MYOM1: variants seen among roughly 807,000 people sequenced by gnomAD.
MYOM1 encodes the protein myomesin 1.
A neutral mutation model predicts 205.3 loss-of-function variants in MYOM1; 164 were observed. The observed-to-expected ratio is 0.80, with a 90% CI of 0.70 to 0.91. The LOEUF (loss-of-function observed/expected upper bound fraction) is 0.91, where lower values mean the gene tolerates loss of function less well. Among genes scored for constraint, MYOM1 ranks in the 40% least tolerant of loss-of-function variants. The probability of loss-of-function intolerance (pLI) is 0.00; values close to 1 mark genes in which losing one functional copy is unlikely to be tolerated. For missense variants in MYOM1, 2,011 were observed against 2,127.3 expected, an observed-to-expected ratio of 0.95 and a Z score of 1.08; for synonymous variants, 772 against 789.4, an observed-to-expected ratio of 0.98 and a Z score of 0.37.
chr18:3,116,812 A>G (rs2058559327), intron 20 of MYOM1, among the ~76,000 whole-genome samples: 2 of 152,078 alleles, frequency 1.3e-5, no homozygotes, highest in African/African-American at 4.8e-5. Context: ...ATTAGTCTCA[A>G]AGACCTTTTA....
At position 3,144,484 on chromosome 18, in the gene MYOM1, C is replaced by T. The variant is rs151069893; in HGVS notation, c.1901-2421G>A. The stretch of plus-strand genomic sequence containing the variant: ...ATTGATTTAAATCCAACCATATCAA[C>T]GATCAGATGAAATGTAAATGGTTAA... On this transcript the variant is annotated intron_variant, in intron 13 of 37. Transcript: ENST00000356443. Among the ~76,000 whole-genome samples the T allele has an allele frequency of 3.9e-4, 59 of 152,108 alleles. 1 individual carries two copies. Among genetic ancestry groups the T allele is most frequent in the Middle Eastern group, 3.4e-3 (1 of 292 alleles).
intron 33 of MYOM1, among the ~76,000 whole-genome samples, chr18:3,081,403 A>G (rs972822524): frequency 1.3e-5 from 2 of 152,220 alleles, no homozygotes; most frequent in African/African-American, 2.4e-5. Flanking sequence ...CCTCTATGCC[A>G]CATACAGACA....
At chr18:3,169,465 A>T (rs2080522802) in intron 8 of MYOM1, among the ~76,000 whole-genome samples, 1 of 152,238 alleles carries the variant, frequency 6.6e-6, no homozygotes, top group African/African-American at 2.4e-5. Context: ...AATAGCAAAA[A>T]ATTCAAGTAA....
At chr18:3,103,817 T>C (rs2079414572) in intron 22 of MYOM1, among the ~76,000 whole-genome samples, 1 of 152,224 alleles carries the variant, frequency 6.6e-6, no homozygotes, top group South Asian at 2.1e-4. Flanking sequence ...CCTGGCAGGA[T>C]GATCTTGGTT....
chr18:3,159,816 TATGGGAGAGGGAA>T (rs966405689), intron 10 of MYOM1, among the ~76,000 whole-genome samples: 4 of 152,118 alleles, frequency 2.6e-5, no homozygotes, highest in African/African-American at 9.7e-5. Context: ...CTAGACTGGT[TATGGGAGAGGGAA>T]ATAGGGAGGA....
Position 3,129,941 on chromosome 18 carries a change from G to A in MYOM1, c.2507-422C>T, listed in dbSNP as rs144961772. Among the ~76,000 whole-genome samples, 250 of 152,144 alleles carry A rather than the reference G, an allele frequency of 1.6e-3. 2 individuals are homozygous for A. Among genetic ancestry groups the A allele is most frequent in the African/African-American group, 5.5e-3 (229 of 41,498 alleles). ...AAAGATCCTAATTTTATAACACCTCGAATTATGTGCAGTACTACAATAGTA... is the reference window on the plus strand; with the variant it reads ...AAAGATCCTAATTTTATAACACCTCAAATTATGTGCAGTACTACAATAGTA... On this transcript the variant is annotated intron_variant, in intron 17 of 37. Transcript: ENST00000356443.
chr18:3,099,007 G>A (rs1284356235), intron 25 of MYOM1, among the ~76,000 whole-genome samples: 2 of 152,150 alleles, frequency 1.3e-5, no homozygotes, highest in Admixed American at 6.5e-5. Flanking sequence ...AGGGTGGAGT[G>A]CAGTAGCGTG....
At chr18:3,158,484 A>G (rs1318435426) in intron 10 of MYOM1, among the ~76,000 whole-genome samples, 1 of 152,208 alleles carries the variant, frequency 6.6e-6, no homozygotes, top group Non-Finnish European at 1.5e-5. Context: ...AGCCTGAGAA[A>G]AGTTGAACAA....
chr18:3,085,167 C>T (rs141988481), intron 30 of MYOM1, 35 bp from the exon 31 acceptor site: 51 of 1,386,486 alleles, frequency 3.7e-5, no homozygotes, highest in African/African-American at 1.3e-4. Flanking sequence ...TTGCACCTTT[C>T]GTAGCCCCAG....
intron 13 of MYOM1, among the ~76,000 whole-genome samples, chr18:3,144,922 G>A (rs2080103627): frequency 6.6e-6 from 1 of 152,174 alleles, no homozygotes; most frequent in Non-Finnish European, 1.5e-5. Flanking sequence ...GTAGATATTA[G>A]CAATAGTAAA....
intron 2 of MYOM1, among the ~76,000 whole-genome samples, chr18:3,205,393 A>T (rs1426147776): frequency 6.6e-6 from 1 of 152,180 alleles, no homozygotes; most frequent in East Asian, 1.9e-4. Context: ...AATCCAATTA[A>T]AAAATGGGCA....
At chr18:3,121,092 C>A in intron 19 of MYOM1, among the ~76,000 whole-genome samples, 1 of 151,634 alleles carries the variant, frequency 6.6e-6, no homozygotes, top group African/African-American at 2.4e-5. Flanking sequence ...TGGAAAGACT[C>A]AAAAATGGGA....
Position 3,119,908 on chromosome 18 carries a change from C to A in MYOM1, c.3079G>T (p.Glu1027Ter), listed in dbSNP as rs755678558. The change falls in exon 20 of 38, where the codon GAA becomes TAA. Residue 1027 changes from glutamate (E) to a stop codon, truncating the protein, a stop_gained. Transcript: ENST00000356443. LOFTEE classifies it high-confidence loss of function. ...AGLGAPSAVS[E>*]CFKCEEWTIA... ...GTCCACTCTTCACATTTGAAGCATTCGCTTACTGCGGAGGGCGCGCCCAGC... is the reference window on the plus strand; with the variant it reads ...GTCCACTCTTCACATTTGAAGCATTAGCTTACTGCGGAGGGCGCGCCCAGC... 1.9e-6 allele frequency: 3 copies of A among 1,612,774 alleles called. No homozygotes were observed. The highest frequency in any genetic ancestry group is 3.5e-4 in the Middle Eastern group (2 of 5,792).
chr18:3,193,301 TAC>T (rs1277471703), intron 3 of MYOM1, among the ~76,000 whole-genome samples: 1,494 of 148,624 alleles, frequency 0.01, 23 homozygotes, highest in African/African-American at 0.028. Context: ...TACATATACA[TAC>T]ATATATATAT....
At position 3,118,211 on chromosome 18, in the gene MYOM1, A is replaced by T. The variant is rs149062561; in HGVS notation, c.3118+1658T>A. Among the ~76,000 whole-genome samples, 873 of 152,320 alleles carry T rather than the reference A, an allele frequency of 5.7e-3. 10 individuals are homozygous for T. The highest frequency in any genetic ancestry group is 0.02 in the African/African-American group (815 of 41,562). The stretch of plus-strand genomic sequence containing the variant: ...CTTTCTTCCATAAGGGATTTCTTGA[A>T]GTGAGACTTGCTTTACACTACTCAG... On this transcript the variant is annotated intron_variant, in intron 20 of 37. Coordinates refer to ENST00000356443, the MANE Select transcript of MYOM1 (RefSeq NM_003803.4).
chr18:3,176,233 CAG>C (rs1403948783), intron 5 of MYOM1, 99 bp from the exon 6 acceptor site: 32 of 705,772 alleles, frequency 4.5e-5, no homozygotes, highest in Non-Finnish European at 7.0e-5. Context: ...CATCTGTAAA[CAG>C]GGCACTGAGG....
intron 2 of MYOM1, among the ~76,000 whole-genome samples, chr18:3,211,794 C>T (rs1464392481): frequency 6.6e-6 from 1 of 152,172 alleles, no homozygotes. Context: ...CTAAGGTCAG[C>T]CAAGCCCTGA....
chr18:3,096,452 AT>A (rs5822737), intron 25 of MYOM1, among the ~76,000 whole-genome samples: 16,531 of 143,286 alleles, frequency 0.12, 1,072 homozygotes, highest in East Asian at 0.2. Flanking sequence ...TAGAAACACC[AT>A]TTTTTTTTTT....
At chr18:3,193,684 T>C (rs1348205056) in intron 3 of MYOM1, 134 bp downstream of exon 3, 1 of 932,404 alleles carries the variant, frequency 1.1e-6, no homozygotes, top group Non-Finnish European at 1.5e-6. Context: ...TACTATAATC[T>C]AACAAGTGCT....
Sources: gnomAD v4.1 joint callset for allele counts (sites outside exome capture counted in the v4.1 genomes callset) on GRCh38, gnomAD v4.1.1 for gene constraint, MANE v1.5 for transcripts, NCBI Gene and HGNC (gene_info 2026-07-23, HGNC 2026-07-21) for gene names.